The following TLE1 variants were observed in gnomAD, a reference collection of about 807,000 sequenced individuals.
TLE1 encodes TLE family member 1, transcriptional corepressor.
Under a neutral mutation model 89.8 loss-of-function variants are expected in TLE1, and 21 were observed. The observed-to-expected ratio is 0.23, with a 90% CI of 0.17 to 0.34. The LOEUF (loss-of-function observed/expected upper bound fraction) is 0.34. Among genes scored for constraint, TLE1 ranks in the 10% least tolerant of loss-of-function variants. The pLI is 1.00. For missense variants in TLE1, 795 were observed against 1,031.2 expected, an observed-to-expected ratio of 0.77 and a Z score of 3.14; for synonymous variants, 447 against 407.6, an observed-to-expected ratio of 1.10 and a Z score of -1.16.
At chr9:81,598,845 C>T (rs2131906395) in intron 14 of TLE1, among the ~76,000 whole-genome samples, 2 of 152,308 alleles carry the variant, frequency 1.3e-5, no homozygotes, top group Middle Eastern at 6.8e-3. Context: ...CCAGTGGATG[C>T]TGGGCCCTTC....
At chr9:81,599,654 G>A (rs1160872685) in intron 14 of TLE1, among the ~76,000 whole-genome samples, 2 of 152,106 alleles carry the variant, frequency 1.3e-5, no homozygotes, top group African/African-American at 4.8e-5. Flanking sequence ...ACCTTCCTCT[G>A]TCAATTTTTT....
chr9:81,595,566 C>A (rs959353388), intron 14 of TLE1, among the ~76,000 whole-genome samples: 1 of 152,124 alleles, frequency 6.6e-6, no homozygotes, highest in African/African-American at 2.4e-5. Flanking sequence ...CGCCTGTAAT[C>A]CCAGCACTCT....
intron 6 of TLE1, among the ~76,000 whole-genome samples, chr9:81,639,575 GTT>G (rs1185374761): frequency 8.5e-6 from 1 of 117,786 alleles, no homozygotes; most frequent in African/African-American, 3.1e-5. Flanking sequence ...AGTAAAAGTT[GTT>G]TTTTTTTTTT....
intron 14 of TLE1, among the ~76,000 whole-genome samples, chr9:81,602,324 T>A (rs747506406): frequency 6.6e-6 from 1 of 152,152 alleles, no homozygotes; most frequent in African/African-American, 2.4e-5. Flanking sequence ...AGGTCGAACA[T>A]CCCTTATCCA....
chr9:81,609,015 TAAAGAA>T (rs1413128150), intron 14 of TLE1, among the ~76,000 whole-genome samples: 4 of 151,536 alleles, frequency 2.6e-5, no homozygotes, highest in Non-Finnish European at 5.9e-5. Context: ...TCTGCTGCCT[TAAAGAA>T]AAAGAAAAAA....
chr9:81,598,169 C>G (rs1830464244), intron 14 of TLE1, among the ~76,000 whole-genome samples: 1 of 152,156 alleles, frequency 6.6e-6, no homozygotes, highest in Admixed American at 6.5e-5. Flanking sequence ...TCTTCAAGCT[C>G]TTTAGGGCTC....
chr9:81,652,175 T>A (rs1156983519), intron 6 of TLE1, 39 bp downstream of exon 6: 2 of 1,597,202 alleles, frequency 1.3e-6, no homozygotes. Flanking sequence ...GAAAGCTGGT[T>A]ATACACACTG....
intron 4 of TLE1, among the ~76,000 whole-genome samples, chr9:81,657,904 A>AT (rs34624864): frequency 0.01 from 1,352 of 134,008 alleles, 18 homozygotes; most frequent in Middle Eastern, 0.016. Context: ...TACAGACATA[A>AT]TTTTTTTTTT....
At chr9:81,686,464 G>A (rs1383872528) in intron 2 of TLE1, among the ~76,000 whole-genome samples, 7 of 152,194 alleles carry the variant, frequency 4.6e-5, no homozygotes, top group Admixed American at 6.5e-5. Context: ...GCCTCAAGCT[G>A]CAGAGATATT....
intron 14 of TLE1, among the ~76,000 whole-genome samples, chr9:81,597,059 T>C (rs975460268): frequency 2.6e-5 from 4 of 152,184 alleles, no homozygotes; most frequent in African/African-American, 9.6e-5. Flanking sequence ...CTCTCTCTGG[T>C]TCTCTGGCTA....
chr9:81,614,064 T>C (rs1328355082), intron 11 of TLE1, among the ~76,000 whole-genome samples: 4 of 152,022 alleles, frequency 2.6e-5, no homozygotes, highest in African/African-American at 4.8e-5. Context: ...CCCGCCACCA[T>C]GCCCAGCTAA....
intron 1 of TLE1, among the ~76,000 whole-genome samples, chr9:81,687,658 G>A (rs569860921): frequency 4.1e-4 from 63 of 152,204 alleles, no homozygotes; most frequent in African/African-American, 1.4e-3. Flanking sequence ...CAGTCTCCAG[G>A]GCGGATTGCG....
chr9:81,672,205 A>C (rs1832312937), intron 4 of TLE1, among the ~76,000 whole-genome samples: 1 of 152,098 alleles, frequency 6.6e-6, no homozygotes, highest in Non-Finnish European at 1.5e-5. Flanking sequence ...GCTTTATCTC[A>C]AATACTTACA....
chr9:81,679,078 G>A (rs1051639377), intron 4 of TLE1, among the ~76,000 whole-genome samples: 1 of 152,160 alleles, frequency 6.6e-6, no homozygotes, highest in Non-Finnish European at 1.5e-5. Flanking sequence ...AACCCAGGAG[G>A]CGGAGGCTGC....
chr9:81,676,095 C>T (rs1174773196), intron 4 of TLE1, among the ~76,000 whole-genome samples: 2 of 152,100 alleles, frequency 1.3e-5, no homozygotes, highest in East Asian at 1.9e-4. Flanking sequence ...AATCGTTGGG[C>T]AAAGCTATCC....
At chr9:81,587,922 G>GTGTGTCATCCCGCC (rs1554716646) in intron 16 of TLE1, 94 bp from the exon 17 acceptor site, 197,410 of 990,110 alleles carry the variant, frequency 0.2, 23,576 homozygotes, top group South Asian at 0.29. Flanking sequence ...GTGTGTGTGT[G>GTGTGTCATCCCGCC]TGTGTGTGTG....
chr9:81,649,031 G>A (rs1336115442), intron 6 of TLE1, among the ~76,000 whole-genome samples: 1 of 152,112 alleles, frequency 6.6e-6, no homozygotes, highest in Non-Finnish European at 1.5e-5. Context: ...AATAGGAAAA[G>A]AATTGGTAAG....
At chr9:81,660,279 T>C (rs12379312) in intron 4 of TLE1, among the ~76,000 whole-genome samples, 373 of 151,622 alleles carry the variant, frequency 2.5e-3, no homozygotes, top group Non-Finnish European at 4.2e-3. Flanking sequence ...CACCCCTAAA[T>C]TCAATGGCCA....
chr9:81,610,944 G>A (rs1244129447), intron 13 of TLE1, among the ~76,000 whole-genome samples: 2 of 152,048 alleles, frequency 1.3e-5, no homozygotes, highest in African/African-American at 4.8e-5. Flanking sequence ...CACTTTGCCC[G>A]CCACTGCACA....
Sources: gnomAD v4.1 joint callset for allele counts (sites outside exome capture counted in the v4.1 genomes callset) on GRCh38, gnomAD v4.1.1 for gene constraint, MANE v1.5 for transcripts, NCBI Gene and HGNC (gene_info 2026-07-23, HGNC 2026-07-21) for gene names.